The following FAAH variants were observed in gnomAD, a reference collection of about 807,000 sequenced individuals.
The protein encoded by FAAH is fatty-acid amide hydrolase 1.
Under a neutral mutation model 69.7 loss-of-function variants are expected in FAAH, and 63 were observed. The observed-to-expected ratio is 0.90, with a 90% confidence interval of 0.74 to 1.12. FAAH has a LOEUF of 1.12. Ranked by LOEUF, FAAH falls within the 50% of genes most tolerant of loss-of-function variation. FAAH has a pLI of 0.00. For synonymous variants in FAAH, 305 were observed against 324.2 expected (o/e 0.94, Z 0.64); for missense variants, 680 against 755.0 (o/e 0.90, Z 1.16).
At chr1:46,406,132 C>T (rs1664790300) in intron 6 of FAAH, 54 bp downstream of exon 6, 2 of 1,613,848 alleles carry the variant, frequency 1.2e-6, no homozygotes, top group Admixed American at 3.3e-5. Context: ...CGGCCTGACC[C>T]GCTTCCGCCC....
chr1:46,405,112 C>A lies in FAAH; in HGVS notation c.408C>A (p.Gly136=). ...SQAPRQGLLY[G]VPVSLKECFT... ...CCCCAAGGCAGGGCCTGCTCTATGG[C>A]GTCCCTGTGAGCCTCAAGGAGTGCT... The change falls in exon 3 of 15, where the codon GGC becomes GGA. Residue 136 remains glycine, a synonymous_variant. Transcript: ENST00000243167. The surrounding 1 kb of genome is among the most constrained non-coding windows in gnomAD (Gnocchi z 4.1). 2 of 1,613,820 alleles carry A rather than the reference C, an allele frequency of 1.2e-6. No homozygotes were observed. The highest frequency in any genetic ancestry group is 4.5e-5 in the East Asian group (2 of 44,884).
rs1569814019 is a variant in FAAH at position 46,404,484 on chromosome 1, A to G, written c.310-530A>G. ...CCACATGGCTTGATTATCAAATTCA[A>G]GATTTCCTGGGTAAGGGGAGGCTTG... On this transcript the variant is annotated intron_variant, in intron 2 of 14. Transcript: ENST00000243167. The surrounding 1 kb of genome is among the most constrained non-coding windows in gnomAD (Gnocchi z 4.5). Among the ~76,000 whole-genome samples, 2 of 152,300 alleles carry G rather than the reference A, an allele frequency of 1.3e-5. No individual in the cohort carries two copies. The highest frequency in any genetic ancestry group is 2.1e-4 in the South Asian group (1 of 4,826).
At chr1:46,397,323 A>G (rs139773771) in intron 1 of FAAH, among the ~76,000 whole-genome samples, 204 of 152,358 alleles carry the variant, frequency 1.3e-3, no homozygotes, top group Middle Eastern at 3.4e-3. Context: ...GGCTCCAAAC[A>G]GCAGCATCTA....
In FAAH at chr1:46,405,561, G is replaced by A. The variant is rs780657412; in HGVS notation, c.579-27G>A. On this transcript the variant is annotated intron_variant, in intron 4 of 14. Transcript: ENST00000243167. This position sits in a 1 kb window ranked among gnomAD's most constrained non-coding sequence, Gnocchi z 4.1. Reference sequence around the variant, plus strand: ...AGGGGCACCGGTCCCAGCATGGCACGGGCTGACCCATTCTTGGCTCCTCCA... The same window carrying A: ...AGGGGCACCGGTCCCAGCATGGCACAGGCTGACCCATTCTTGGCTCCTCCA... The A allele has an allele frequency of 5.6e-6, 9 of 1,613,068 alleles. No homozygotes were observed. The highest frequency in any genetic ancestry group is 4.5e-5 in the East Asian group (2 of 44,894).
intron 2 of FAAH, among the ~76,000 whole-genome samples, chr1:46,403,730 C>T (rs1471779456): frequency 2.6e-5 from 4 of 152,328 alleles, no homozygotes; most frequent in East Asian, 3.9e-4. Context: ...GTCTTCCATT[C>T]GCCACCTGAG....
At position 46,404,017 on chromosome 1, in the gene FAAH, G is replaced by T. The variant is rs1664748303; in HGVS notation, c.310-997G>T. On this transcript the variant is annotated intron_variant, in intron 2 of 14. Transcript: ENST00000243167. This position sits in a 1 kb window ranked among gnomAD's most constrained non-coding sequence, Gnocchi z 4.5. Reference sequence around the variant, plus strand: ...CTTGAAAGGGTGTGGGACAGTGAGTGTGACCCCTAGGCAGGTGAACTTGTC... The same window carrying T: ...CTTGAAAGGGTGTGGGACAGTGAGTTTGACCCCTAGGCAGGTGAACTTGTC... Among the ~76,000 whole-genome samples, 1 of 152,242 alleles carries T rather than the reference G, an allele frequency of 6.6e-6. No individual in the cohort carries two copies. The highest frequency in any genetic ancestry group is 1.5e-5 in the Non-Finnish European group (1 of 68,042).
At chr1:46,408,113 C>G (rs1664833347) in intron 7 of FAAH, among the ~76,000 whole-genome samples, 1 of 152,154 alleles carries the variant, frequency 6.6e-6, no homozygotes, top group Admixed American at 6.5e-5. Context: ...AGAGCCAGGA[C>G]AGGTGGTGGA....
rs925300431 is a variant in FAAH, at chr1:46,394,422, C to T, written c.74C>T (p.Ala25Val). 7.5e-6 allele frequency: 11 copies of T among 1,469,898 alleles called. No homozygotes were observed. The highest frequency in any genetic ancestry group is 9.9e-6 in the Non-Finnish European group (11 of 1,114,184). The allele number at this position is 1,469,898 out of a possible 1,614,324, so 91.1% of individuals were successfully genotyped here. A position where few individuals can be genotyped will look rare whatever the true frequency, so the allele number is the denominator to read the frequency against. Residue 25 changes from alanine to valine, a missense_variant, in exon 1 of 15, where the codon GCG becomes GTG. Ala to Val is a moderately conservative substitution (Grantham distance 64). Transcript: ENST00000243167. ...GVALACCFVA[A>V]AVALRWSGRR... is the part of the protein sequence containing the mutation. The stretch of plus-strand genomic sequence containing the variant: ...GCCCTGGCCTGCTGCTTCGTGGCGG[C>T]GGCCGTGGCCCTGCGCTGGTCCGGG...
intron 7 of FAAH, 32 bp downstream of exon 7, chr1:46,406,400 C>T: frequency 1.2e-6 from 2 of 1,613,454 alleles, no homozygotes; most frequent in South Asian, 2.2e-5. Context: ...TGAATGTGGA[C>T]CGCTGAACCC....
In FAAH at chr1:46,405,401, G is replaced by T; in HGVS notation, c.474G>T (p.Leu158=). ...AGGACTCCACGCTGGGCTTGAGCCT[G>T]AATGAAGGGGTGCCGGCGGAGTGCG... ...KGQDSTLGLS[L]NEGVPAECDS... The change falls in exon 4 of 15, where the codon CTG becomes CTT. Residue 158 remains leucine, a synonymous_variant. Transcript: ENST00000243167. The surrounding 1 kb of genome is among the most constrained non-coding windows in gnomAD (Gnocchi z 4.1). 1 of 1,612,610 alleles carries T rather than the reference G, an allele frequency of 6.2e-7. No individual in the cohort carries two copies.
intron 7 of FAAH, among the ~76,000 whole-genome samples, 153 bp from the exon 8 acceptor site, chr1:46,408,306 G>A (rs542324342): frequency 1.3e-5 from 2 of 152,304 alleles, no homozygotes; most frequent in East Asian, 1.9e-4. Context: ...CTGTGAAGGT[G>A]TTTTATGAAA....
At chr1:46,397,759 A>G (rs1664622649) in intron 1 of FAAH, among the ~76,000 whole-genome samples, 1 of 149,728 alleles carries the variant, frequency 6.7e-6, no homozygotes, top group Admixed American at 6.7e-5. Flanking sequence ...ACGGGGCTTC[A>G]CCATGTTGGC....
chr1:46,409,764 A>G (rs989586377), intron 9 of FAAH, among the ~76,000 whole-genome samples: 6 of 152,252 alleles, frequency 3.9e-5, no homozygotes, highest in Admixed American at 3.9e-4. Flanking sequence ...CCTCTGCTGG[A>G]TGGACTGGAA....
rs370959267 is a variant in FAAH, at chr1:46,409,196, C to T, written c.1173C>T (p.Asn391=). The change falls in exon 9 of 15, where the codon AAC becomes AAT. Residue 391 remains asparagine (N), a splice_region_variant and synonymous_variant. Coordinates refer to ENST00000243167, the MANE Select transcript of FAAH (RefSeq NM_001441.3). The part of the protein sequence containing the change: ...FSDGGHTFLQ[N]FKGDFVDPCL... ...ATGGTGGCCACACCTTCCTACAGAA[C>T]TTGTGAGTGATAGTGGGCTTTGGGG... 17 of 1,612,534 alleles carry T rather than the reference C, an allele frequency of 1.1e-5. No individual in the cohort carries two copies. In the African/African-American group the frequency reaches 2.1e-4, roughly 20 times the overall value.
At chr1:46,406,150 T>C in intron 6 of FAAH, 72 bp downstream of exon 6, 1 of 1,613,950 alleles carries the variant, frequency 6.2e-7, no homozygotes, top group Non-Finnish European at 8.5e-7. Flanking sequence ...CCCGTGCTTC[T>C]CAGGTGGCAG....
chr1:46,404,947 A>G lies in FAAH; in HGVS notation c.310-67A>G. On this transcript the variant is annotated intron_variant, in intron 2 of 14. Transcript: ENST00000243167. The surrounding 1 kb of genome is among the most constrained non-coding windows in gnomAD (Gnocchi z 4.5). ...TTAAAAGGCCAGTTCTACATGATGT[A>G]TATTTCACCACAATTTCTTAAAAAG... 4.4e-6 allele frequency: 7 copies of G among 1,608,746 alleles called. No homozygotes were observed. The highest frequency in any genetic ancestry group is 3.3e-5 in the South Asian group (3 of 90,794).
chr1:46,410,334 CGG>C lies in FAAH; in HGVS notation c.1176-62_1176-61del. On this transcript the variant is annotated intron_variant, in intron 9 of 14. Transcript: ENST00000243167. This position sits in a 1 kb window ranked among gnomAD's most constrained non-coding sequence, Gnocchi z 4.9. The stretch of plus-strand genomic sequence containing the variant: ...CATAGAGAATGGGATTGCTGTGGGC[CGG>C]GCGAGCAAGCTGGGAAGGATGTGGG... The C allele has an allele frequency of 7.5e-7, 1 of 1,326,026 alleles. No homozygotes were observed. Among genetic ancestry groups the C allele is most frequent in the Non-Finnish European group, 1.1e-6 (1 of 917,642 alleles). The allele number at this position is 1,326,026 out of a possible 1,614,324, so 82.1% of individuals were successfully genotyped here.
chr1:46,404,021 C>A lies in FAAH; in HGVS notation c.310-993C>A, dbSNP rs1017426417. Among the ~76,000 whole-genome samples the A allele has an allele frequency of 2.0e-5, 3 of 152,196 alleles. No homozygotes were observed. Among genetic ancestry groups the A allele is most frequent in the African/African-American group, 4.8e-5 (2 of 41,448 alleles). On this transcript the variant is annotated intron_variant, in intron 2 of 14. Transcript: ENST00000243167. The surrounding 1 kb of genome is among the most constrained non-coding windows in gnomAD (Gnocchi z 4.5). The stretch of plus-strand genomic sequence containing the variant: ...AAAGGGTGTGGGACAGTGAGTGTGA[C>A]CCCTAGGCAGGTGAACTTGTCTGGG...
chr1:46,402,284 T>C, intron 2 of FAAH, 80 bp downstream of exon 2: 2 of 1,222,002 alleles, frequency 1.6e-6, no homozygotes, highest in Non-Finnish European at 1.2e-6. Flanking sequence ...CCTCCCTCTG[T>C]CCGCACAGGC....
Sources: allele counts gnomAD v4.1 joint callset (sites outside exome capture counted in the v4.1 genomes callset), GRCh38; gene constraint gnomAD v4.1.1; non-coding constraint Gnocchi (gnomAD v3.1); transcripts MANE v1.5; gene names NCBI Gene and HGNC (gene_info 2026-07-23, HGNC 2026-07-21).